The following GLIS1 variants were observed in gnomAD, a reference collection of about 807,000 sequenced individuals.
GLIS1 encodes the protein zinc finger protein GLIS1.
A neutral mutation model predicts 63.8 loss-of-function variants in GLIS1; 24 were observed. The ratio of observed to expected loss-of-function variants is 0.38; its 90% CI spans 0.27 to 0.53. The LOEUF (loss-of-function observed/expected upper bound fraction) is 0.53. GLIS1 is among the 20% of genes least tolerant of loss of function. The pLI is 0.85. For missense variants in GLIS1, 1,036 were observed against 1,074.1 expected, an observed-to-expected ratio of 0.96 and a Z score of 0.50; for synonymous variants, 450 against 482.5, an observed-to-expected ratio of 0.93 and a Z score of 0.88.
intron 2 of GLIS1, among the ~76,000 whole-genome samples, chr1:53,673,897 A>G (rs1181977939): frequency 1.3e-5 from 2 of 152,164 alleles, no homozygotes; most frequent in Non-Finnish European, 1.5e-5. Flanking sequence ...TGAGGCCGGG[A>G]GCGGTGGCTC....
At chr1:53,538,291 G>A (rs867628861) in intron 4 of GLIS1, among the ~76,000 whole-genome samples, 1 of 152,246 alleles carries the variant, frequency 6.6e-6, no homozygotes, top group Non-Finnish European at 1.5e-5. Context: ...TGGGGATGCA[G>A]TGCCACCTGC....
intron 1 of GLIS1, 141 bp from the exon 2 acceptor site, chr1:53,738,247 A>C: frequency 4.4e-6 from 2 of 450,320 alleles, no homozygotes; most frequent in African/African-American, 2.0e-5. Flanking sequence ...ACCTAGCCCA[A>C]TCAGAGGTCA....
At chr1:53,730,745 G>A (rs549528618) in intron 2 of GLIS1, among the ~76,000 whole-genome samples, 1 of 152,290 alleles carries the variant, frequency 6.6e-6, no homozygotes, top group East Asian at 1.9e-4. Context: ...GACTCCCTGA[G>A]AATGTACACA....
chr1:53,560,797 G>A lies in GLIS1; in HGVS notation c.1321-30845C>T, dbSNP rs987226988. On this transcript the variant is annotated intron_variant, in intron 4 of 10. Transcript: ENST00000628545. This position sits in a 1 kb window ranked among gnomAD's most constrained non-coding sequence, Gnocchi z 4.4. ...CCCACGACAGTGGCGATGAGTCCTT[G>A]GACTCCACCCATACCTCAGTACCCC... Among the ~76,000 whole-genome samples, 1 of 152,170 alleles carries A rather than the reference G, an allele frequency of 6.6e-6. No individual in the cohort carries two copies. Among genetic ancestry groups the A allele is most frequent in the African/African-American group, 2.4e-5 (1 of 41,434 alleles).
At chr1:53,700,509 G>A (rs1214635741) in intron 2 of GLIS1, among the ~76,000 whole-genome samples, 2 of 152,202 alleles carry the variant, frequency 1.3e-5, no homozygotes, top group Non-Finnish European at 2.9e-5. Flanking sequence ...TCGTGTAAAT[G>A]CATGGCCTCT....
At chr1:53,714,461 G>A (rs1397977143) in intron 2 of GLIS1, among the ~76,000 whole-genome samples, 1 of 152,118 alleles carries the variant, frequency 6.6e-6, no homozygotes, top group African/African-American at 2.4e-5. Context: ...GCAGGGACAT[G>A]GATTATCAAC....
At position 53,646,402 on chromosome 1, in the gene GLIS1, T is replaced by C. The variant is rs1035225623; in HGVS notation, c.260-46124A>G. Reference sequence around the variant, plus strand: ...AACACTCAAAACTCAATTATATACTTATCTACAATAAACAGTAAAGGGAAT... The same window carrying C: ...AACACTCAAAACTCAATTATATACTCATCTACAATAAACAGTAAAGGGAAT... On this transcript the variant is annotated intron_variant, in intron 2 of 10. Coordinates refer to ENST00000628545, the MANE Select transcript of GLIS1 (RefSeq NM_001367484.1). This position sits in a 1 kb window ranked among gnomAD's most constrained non-coding sequence, Gnocchi z 4.2. Among the ~76,000 whole-genome samples, 1 of 152,248 alleles carries C rather than the reference T, an allele frequency of 6.6e-6. No individual in the cohort carries two copies. The highest frequency in any genetic ancestry group is 2.4e-5 in the African/African-American group (1 of 41,464).
chr1:53,699,557 G>A (rs146399723), intron 2 of GLIS1, among the ~76,000 whole-genome samples: 2 of 152,302 alleles, frequency 1.3e-5, no homozygotes, highest in South Asian at 2.1e-4. Flanking sequence ...TGCTCCAACT[G>A]AACATCACGT....
chr1:53,514,152 C>T (rs936697631), intron 8 of GLIS1, among the ~76,000 whole-genome samples: 13 of 152,226 alleles, frequency 8.5e-5, no homozygotes, highest in Non-Finnish European at 1.8e-4. Flanking sequence ...GGCAGCCCCC[C>T]GCAGGCCGGG....
At chr1:53,722,830 CAAA>C (rs1258815097) in intron 2 of GLIS1, among the ~76,000 whole-genome samples, 2 of 91,568 alleles carry the variant, frequency 2.2e-5, no homozygotes. Flanking sequence ...GACCCCGTCT[CAAA>C]AAAAAAAAAA....
intron 2 of GLIS1, 80 bp from the exon 3 acceptor site, chr1:53,600,358 T>C: frequency 4.2e-6 from 4 of 955,000 alleles, no homozygotes; most frequent in Non-Finnish European, 5.5e-6. Flanking sequence ...GGGCAGTCCC[T>C]GGGGTACAGC....
intron 2 of GLIS1, among the ~76,000 whole-genome samples, chr1:53,704,244 C>T (rs1311461864): frequency 2.6e-5 from 4 of 152,250 alleles, no homozygotes; most frequent in Non-Finnish European, 5.9e-5. Context: ...AGCACCTTGC[C>T]GAATGGCACT....
At chr1:53,680,822 T>C (rs147978810) in intron 2 of GLIS1, among the ~76,000 whole-genome samples, 12 of 152,352 alleles carry the variant, frequency 7.9e-5, no homozygotes, top group African/African-American at 2.9e-4. Flanking sequence ...ATATCAGATC[T>C]AATCCCACAG....
chr1:53,591,658 A>T (rs1645194067), intron 4 of GLIS1, among the ~76,000 whole-genome samples: 1 of 152,184 alleles, frequency 6.6e-6, no homozygotes, highest in African/African-American at 2.4e-5. Context: ...GGTTCACAGT[A>T]TCTACCCCAC....
chr1:53,650,353 GCTGAGGCAGGTGGATCAC>G (rs1438163973), intron 2 of GLIS1, among the ~76,000 whole-genome samples: 1 of 152,214 alleles, frequency 6.6e-6, no homozygotes, highest in Non-Finnish European at 1.5e-5. Context: ...ACTTTGGGAG[GCTGAGGCAGGTGGATCAC>G]CTGAAGTCAG....
At chr1:53,629,831 T>C (rs1464636993) in intron 2 of GLIS1, among the ~76,000 whole-genome samples, 1 of 152,230 alleles carries the variant, frequency 6.6e-6, no homozygotes, top group African/African-American at 2.4e-5. Context: ...CAGAGAGCCT[T>C]CTTGACCATT....
At chr1:53,702,348 C>T (rs1364835853) in intron 2 of GLIS1, among the ~76,000 whole-genome samples, 1 of 152,210 alleles carries the variant, frequency 6.6e-6, no homozygotes, top group African/African-American at 2.4e-5. Context: ...GGTGAGCTGG[C>T]ACACAGAAAG....
At chr1:53,538,832 C>T (rs1644609206) in intron 4 of GLIS1, among the ~76,000 whole-genome samples, 1 of 152,164 alleles carries the variant, frequency 6.6e-6, no homozygotes, top group Admixed American at 6.5e-5. Flanking sequence ...CCTGTCTGGG[C>T]AAGAAATGGG....
intron 2 of GLIS1, among the ~76,000 whole-genome samples, chr1:53,614,922 TCA>T (rs1553129493): frequency 6.6e-6 from 1 of 151,794 alleles, no homozygotes; most frequent in Non-Finnish European, 1.5e-5. Flanking sequence ...ACACACACTC[TCA>T]CACACATATG....
Sources: gnomAD v4.1 joint callset for allele counts (sites outside exome capture counted in the v4.1 genomes callset) on GRCh38, gnomAD v4.1.1 for gene constraint, Gnocchi (gnomAD v3.1) non-coding constraint, MANE v1.5 for transcripts, NCBI Gene and HGNC (gene_info 2026-07-23, HGNC 2026-07-21) for gene names.